The following IMMP2L variants were observed in gnomAD, a reference collection of about 807,000 sequenced individuals.
The protein encoded by IMMP2L is inner mitochondrial membrane peptidase subunit 2, also known as mitochondrial inner membrane protease subunit 2.
In IMMP2L, 18 loss-of-function variants were observed where a neutral mutation model predicts 19.3. That is an observed-to-expected ratio of 0.93 (90% CI 0.64 to 1.38). The LOEUF is 1.38. Ranked by LOEUF, IMMP2L falls within the 40% of genes most tolerant of loss-of-function variation. The pLI is 0.00. For synonymous variants in IMMP2L, 76 were observed against 73.0 expected (o/e 1.04, Z -0.21); for missense variants, 233 against 218.2 (o/e 1.07, Z -0.43).
chr7:111,409,204 T>C (rs1834155645), intron 3 of IMMP2L, among the ~76,000 whole-genome samples: 1 of 151,716 alleles, frequency 6.6e-6, no homozygotes, highest in South Asian at 2.1e-4. Context: ...CATTTAAAGT[T>C]GAAGAAACCA....
chr7:110,942,485 C>T (rs933940670), intron 4 of IMMP2L, among the ~76,000 whole-genome samples: 4 of 151,786 alleles, frequency 2.6e-5, no homozygotes, highest in African/African-American at 4.8e-5. Context: ...CTGCTGTGTA[C>T]GCTTTAGAAA....
chr7:111,315,559 A>C (rs1039771278), intron 3 of IMMP2L, among the ~76,000 whole-genome samples: 1 of 152,096 alleles, frequency 6.6e-6, no homozygotes, highest in Non-Finnish European at 1.5e-5. Context: ...CTGTGCACAC[A>C]ATGCAATTTG....
At chr7:110,837,972 G>A (rs1804674126) in intron 5 of IMMP2L, among the ~76,000 whole-genome samples, 1 of 152,118 alleles carries the variant, frequency 6.6e-6, no homozygotes, top group Non-Finnish European at 1.5e-5. Flanking sequence ...ATTGTTTTCG[G>A]CCCTAGACTA....
At chr7:111,533,644 A>T (rs911727743) in intron 1 of IMMP2L, among the ~76,000 whole-genome samples, 1 of 152,196 alleles carries the variant, frequency 6.6e-6, no homozygotes, top group Non-Finnish European at 1.5e-5. Context: ...AATTAGCTAC[A>T]ATTTGGAAGG....
chr7:111,400,046 T>C (rs1192811415), intron 3 of IMMP2L, among the ~76,000 whole-genome samples: 1 of 152,136 alleles, frequency 6.6e-6, no homozygotes, highest in Non-Finnish European at 1.5e-5. Flanking sequence ...ACTCTCCATC[T>C]GAATGTGATA....
chr7:111,384,235 GAGGAGAAAGGAGAGAGGAGAAAGGAGAA>G (rs1831500588), intron 3 of IMMP2L, among the ~76,000 whole-genome samples: 1 of 141,896 alleles, frequency 7.0e-6, no homozygotes, highest in African/African-American at 3.0e-5. Flanking sequence ...AGAAAGGAGA[GAGGAGAAAGGAGAGAGGAGAAAGGAGAA>G]AGGAGAGAGG....
chr7:110,861,896 A>T (rs799643), intron 5 of IMMP2L, among the ~76,000 whole-genome samples: 72,185 of 151,798 alleles, frequency 0.48, 17,456 homozygotes, highest in East Asian at 0.7. Context: ...CAAATGCCTA[A>T]AGCAGATTCA....
chr7:111,219,974 CA>C (rs1276679642), intron 3 of IMMP2L, among the ~76,000 whole-genome samples: 5 of 151,942 alleles, frequency 3.3e-5, no homozygotes, highest in Non-Finnish European at 5.9e-5. Context: ...AGAAATTTCA[CA>C]AAATAAATTT....
intron 3 of IMMP2L, among the ~76,000 whole-genome samples, chr7:111,083,694 C>T (rs193169415): frequency 1.6e-3 from 251 of 152,280 alleles, no homozygotes; most frequent in African/African-American, 5.3e-3. Flanking sequence ...GACTGCCTCA[C>T]GGTACTGTAA....
At chr7:110,862,228 T>G (rs1259349723) in intron 5 of IMMP2L, among the ~76,000 whole-genome samples, 2 of 151,774 alleles carry the variant, frequency 1.3e-5, no homozygotes, top group Non-Finnish European at 2.9e-5. Context: ...TTTTAATATA[T>G]TTTATTTATT....
At chr7:111,058,469 T>A (rs1336158643) in intron 3 of IMMP2L, among the ~76,000 whole-genome samples, 2 of 152,202 alleles carry the variant, frequency 1.3e-5, no homozygotes, top group Non-Finnish European at 2.9e-5. Flanking sequence ...TAGGACACAG[T>A]CTATTCTCAT....
At chr7:110,693,742 G>T (rs1350496358) in intron 5 of IMMP2L, among the ~76,000 whole-genome samples, 1 of 152,194 alleles carries the variant, frequency 6.6e-6, no homozygotes. Flanking sequence ...AACCAAACCA[G>T]TGTCATGAGT....
rs1811909924 is a variant in IMMP2L, at chr7:111,216,252, A to C, written c.240-252687T>G. 2.0e-5 allele frequency among the ~76,000 whole-genome samples: 3 copies of C among 152,138 alleles called. 1 individual carries two copies. The highest frequency in any genetic ancestry group is 2.0e-4 in the Admixed American group (3 of 15,256). On this transcript the variant is annotated intron_variant, in intron 3 of 5. Transcript: ENST00000405709. The stretch of plus-strand genomic sequence containing the variant: ...TCTCTTCTCAAGAGCACTGTTTTAA[A>C]ATGTTCCCTGTCAAGCTGGATAGCA...
At chr7:110,957,912 G>T (rs1818530234) in intron 4 of IMMP2L, among the ~76,000 whole-genome samples, 2 of 151,784 alleles carry the variant, frequency 1.3e-5, no homozygotes, top group Admixed American at 1.3e-4. Context: ...CCATGACATT[G>T]CATTATGTGT....
Position 111,122,863 on chromosome 7 carries a change from C to T in IMMP2L, c.240-159298G>A, listed in dbSNP as rs759954213. 61 of 1,613,786 alleles carry T rather than the reference C, an allele frequency of 3.8e-5. No individual in the cohort carries two copies. The Middle Eastern group carries it at 8.2e-4, about 22-fold the overall frequency. On this transcript the variant is annotated intron_variant, in intron 3 of 5. Coordinates refer to ENST00000405709, the MANE Select transcript of IMMP2L (RefSeq NM_032549.4). Reference sequence around the variant, plus strand: ...TGTAGATAAAAAAGTGGATTGTCCACGGTTATGTACGTGTGAAATCAGGCC... The same window carrying T: ...TGTAGATAAAAAAGTGGATTGTCCATGGTTATGTACGTGTGAAATCAGGCC...
chr7:111,555,636 G>C (rs148212352), intron 1 of IMMP2L, among the ~76,000 whole-genome samples: 8 of 152,080 alleles, frequency 5.3e-5, no homozygotes, highest in Non-Finnish European at 1.2e-4. Context: ...CCACATGTGA[G>C]ATAATACAAT....
At chr7:111,000,113 CCTGCCAGATAATTCTATT>C (rs1186602097) in intron 3 of IMMP2L, among the ~76,000 whole-genome samples, 1 of 152,080 alleles carries the variant, frequency 6.6e-6, no homozygotes, top group Non-Finnish European at 1.5e-5. Context: ...TTCCTAGGCA[CCTGCCAGATAATTCTATT>C]CTGGGAACAG....
chr7:111,399,696 T>C (rs964226658), intron 3 of IMMP2L, among the ~76,000 whole-genome samples: 17 of 152,104 alleles, frequency 1.1e-4, no homozygotes, highest in Non-Finnish European at 2.1e-4. Flanking sequence ...TATCCTTTCA[T>C]ACTAACAACA....
intron 1 of IMMP2L, among the ~76,000 whole-genome samples, chr7:111,536,299 T>C (rs562856018): frequency 6.6e-6 from 1 of 152,068 alleles, no homozygotes; most frequent in Non-Finnish European, 1.5e-5. Flanking sequence ...TGGTGGGTTG[T>C]TTTTTGTTGT....
Sources: allele counts gnomAD v4.1 joint callset (sites outside exome capture counted in the v4.1 genomes callset), GRCh38; gene constraint gnomAD v4.1.1; transcripts MANE v1.5; gene names NCBI Gene and HGNC (gene_info 2026-07-23, HGNC 2026-07-21).